The following PRELID2 variants were observed in gnomAD, a reference collection of about 807,000 sequenced individuals.
PRELID2 encodes the protein PRELI domain-containing protein 2.
PRELID2 carries 25 observed loss-of-function variants against 28.4 expected under a neutral mutation model. The observed-to-expected ratio is 0.88, with a 90% CI of 0.64 to 1.23. The LOEUF is 1.23. PRELID2 is among the 50% of genes most tolerant of loss of function. The pLI is 0.00. For missense variants in PRELID2, 201 were observed against 214.4 expected, an observed-to-expected ratio of 0.94 and a Z score of 0.39; for synonymous variants, 76 against 71.6, an observed-to-expected ratio of 1.06 and a Z score of -0.31.
intron 6 of PRELID2, among the ~76,000 whole-genome samples, chr5:145,761,345 T>A (rs556558393): frequency 1.3e-5 from 2 of 152,332 alleles, no homozygotes; most frequent in East Asian, 3.9e-4. Flanking sequence ...ATTGGAACTT[T>A]ATGAGCAATT....
At chr5:145,458,270 G>A in the PRELID2 span, among the ~76,000 whole-genome samples, 2 of 152,186 alleles carry the variant, frequency 1.3e-5, no homozygotes, top group East Asian at 3.9e-4. Flanking sequence ...AATGTAACTG[G>A]TCAACAATGA....
chr5:145,667,652 G>A (rs1168538242), intron 1 of PRELID2, among the ~76,000 whole-genome samples: 1 of 152,012 alleles, frequency 6.6e-6, no homozygotes, highest in African/African-American at 2.4e-5. Flanking sequence ...GTATGGCTTG[G>A]GAGTAAGACA....
intron 1 of PRELID2, among the ~76,000 whole-genome samples, chr5:145,508,257 C>CAGATAGATAGATAGAT (rs58785072): frequency 0.013 from 1,881 of 149,602 alleles, 18 homozygotes; most frequent in East Asian, 0.036. Flanking sequence ...TTTGCATAGA[C>CAGATAGATAGATAGAT]AGATAGATAG....
At position 145,741,490 on chromosome 5, in the gene PRELID2, A is replaced by ATTT. The variant is rs1561567892; in HGVS notation, n.70+23440_70+23441insAAA. On this transcript the variant is annotated intron_variant and non_coding_transcript_variant, in intron 1 of 2. Coordinates refer to the PRELID2 transcript ENST00000510259. Reference sequence around the variant, plus strand: ...TATAAACAAAATTTATTTATAAATAAATTATATATAAAATTTATTTATAAA... The same window carrying ATTT: ...TATAAACAAAATTTATTTATAAATAATTTATTATATATAAAATTTATTTATAAA... Among the ~76,000 whole-genome samples, 10 of 120,562 alleles carry ATTT rather than the reference A, an allele frequency of 8.3e-5. No individual in the cohort carries two copies. The East Asian group carries it at 1.0e-3, about 13-fold the overall frequency. 79.1% of individuals were successfully genotyped at this position (120,562 alleles called of 152,430 possible).
chr5:145,398,703 T>G, the PRELID2 span, among the ~76,000 whole-genome samples: 1 of 152,036 alleles, frequency 6.6e-6, no homozygotes, highest in Admixed American at 6.6e-5. Context: ...GGAGCTTGCA[T>G]CCAAGTGGGA....
chr5:145,246,258 T>G, the PRELID2 span, among the ~76,000 whole-genome samples: 3 of 152,250 alleles, frequency 2.0e-5, no homozygotes, highest in East Asian at 5.8e-4. Context: ...CAGCCTAGAC[T>G]GCAGAAGCGT....
At chr5:145,533,983 T>A in intron 1 of PRELID2, among the ~76,000 whole-genome samples, 1 of 152,070 alleles carries the variant, frequency 6.6e-6, no homozygotes, top group East Asian at 1.9e-4. Context: ...GTGATAGAAG[T>A]TGAAATTGGT....
At chr5:145,281,327 T>G in the PRELID2 span, among the ~76,000 whole-genome samples, 1 of 152,198 alleles carries the variant, frequency 6.6e-6, no homozygotes, top group African/African-American at 2.4e-5. Flanking sequence ...AAAACCCATG[T>G]AATCTATAAA....
intron 1 of PRELID2, among the ~76,000 whole-genome samples, chr5:145,580,719 G>C (rs1052706214): frequency 1.3e-5 from 2 of 152,002 alleles, no homozygotes; most frequent in Non-Finnish European, 2.9e-5. Flanking sequence ...TGAATATCCT[G>C]AGAACCCAGG....
chr5:145,464,784 C>T, the PRELID2 span, among the ~76,000 whole-genome samples: 1 of 152,148 alleles, frequency 6.6e-6, no homozygotes, highest in Non-Finnish European at 1.5e-5. Flanking sequence ...ATTAAAGCCT[C>T]TCTATGAATC....
chr5:145,601,448 G>A (rs1425919699), intron 1 of PRELID2, among the ~76,000 whole-genome samples: 6 of 149,658 alleles, frequency 4.0e-5, no homozygotes, highest in South Asian at 2.1e-4. Context: ...ATGAAAGAAC[G>A]AACAGAAAAA....
intron 5 of PRELID2, among the ~76,000 whole-genome samples, chr5:145,768,053 C>T (rs866309604): frequency 2.9e-4 from 44 of 151,846 alleles, no homozygotes; most frequent in African/African-American, 9.2e-4. Context: ...GGTGAAACCC[C>T]GTCTCTACTA....
the PRELID2 span, among the ~76,000 whole-genome samples, chr5:145,379,031 G>A: frequency 6.6e-6 from 1 of 152,102 alleles, no homozygotes; most frequent in East Asian, 1.9e-4. Context: ...TTGAGGGTTT[G>A]ATTCTCGTAT....
chr5:145,629,300 A>T (rs79558140), intron 1 of PRELID2, among the ~76,000 whole-genome samples: 2,355 of 152,332 alleles, frequency 0.015, 63 homozygotes, highest in African/African-American at 0.054. Flanking sequence ...CCTGGTGTGC[A>T]CATCTGCATT....
At chr5:145,522,396 G>C (rs67441040) in intron 1 of PRELID2, among the ~76,000 whole-genome samples, 14,770 of 150,166 alleles carry the variant, frequency 0.098, 787 homozygotes, top group Non-Finnish European at 0.12. Flanking sequence ...TAGATACAGA[G>C]ACACACACAC....
chr5:145,334,221 C>T, the PRELID2 span, among the ~76,000 whole-genome samples: 1 of 152,114 alleles, frequency 6.6e-6, no homozygotes, highest in Non-Finnish European at 1.5e-5. Context: ...ACTATTTGGC[C>T]ATCTTGCCAT....
At chr5:145,650,102 C>T (rs146462199) in intron 1 of PRELID2, among the ~76,000 whole-genome samples, 272 of 152,250 alleles carry the variant, frequency 1.8e-3, no homozygotes, top group African/African-American at 5.2e-3. Flanking sequence ...TCTCCAAGAA[C>T]TAATCTATTT....
At chr5:145,605,730 A>T (rs1439047013) in intron 1 of PRELID2, among the ~76,000 whole-genome samples, 1 of 151,992 alleles carries the variant, frequency 6.6e-6, no homozygotes. Flanking sequence ...TTGAAAAATA[A>T]TGGAAATAAA....
chr5:145,645,889 C>A (rs1226220669), intron 1 of PRELID2, among the ~76,000 whole-genome samples: 1 of 152,190 alleles, frequency 6.6e-6, no homozygotes, highest in Non-Finnish European at 1.5e-5. Context: ...AGGGTTTCTG[C>A]AGAAAAGATC....
Sources: gnomAD v4.1 joint callset for allele counts (sites outside exome capture counted in the v4.1 genomes callset) on GRCh38, gnomAD v4.1.1 for gene constraint, MANE v1.5 for transcripts, NCBI Gene and HGNC (gene_info 2026-07-23, HGNC 2026-07-21) for gene names.